The following KIAA0825 variants were observed in gnomAD, a reference collection of about 807,000 sequenced individuals.
The protein encoded by KIAA0825 is uncharacterized protein KIAA0825.
KIAA0825 carries 119 observed loss-of-function variants against 147.6 expected under a neutral mutation model. The observed-to-expected ratio is 0.81, with a 90% CI of 0.69 to 0.94. The LOEUF is 0.94. Among genes scored for constraint, KIAA0825 ranks in the 40% least tolerant of loss-of-function variants. The pLI, the probability that KIAA0825 is intolerant of heterozygous loss-of-function variation, is 0.00. For missense variants in KIAA0825, 1,381 were observed against 1,472.7 expected (o/e 0.94, Z 1.02); for synonymous variants, 470 against 518.1 (o/e 0.91, Z 1.26).
At chr5:94,471,262 A>T (rs62364614) in intron 9 of KIAA0825, among the ~76,000 whole-genome samples, 73,967 of 151,434 alleles carry the variant, frequency 0.49, 18,377 homozygotes, top group South Asian at 0.6. Context: ...AGATAGTACT[A>T]TCTTACTATC....
chr5:94,381,000 G>T (rs1444902943), intron 20 of KIAA0825, among the ~76,000 whole-genome samples: 2 of 152,204 alleles, frequency 1.3e-5, no homozygotes, highest in African/African-American at 4.8e-5. Flanking sequence ...TCTTTCATGT[G>T]TCTGAGCGGT....
chr5:94,369,264 C>CG (rs1231813822), intron 20 of KIAA0825, among the ~76,000 whole-genome samples: 2 of 152,076 alleles, frequency 1.3e-5, no homozygotes, highest in Non-Finnish European at 2.9e-5. Context: ...ATTCAAGACT[C>CG]GGGGGCACAG....
At chr5:94,525,888 T>C (rs1256554798) in intron 3 of KIAA0825, among the ~76,000 whole-genome samples, 1 of 152,020 alleles carries the variant, frequency 6.6e-6, no homozygotes. Context: ...ACAAAGGGAT[T>C]GAGTGGTTGC....
At chr5:94,181,973 G>A (rs1307589058) in intron 20 of KIAA0825, among the ~76,000 whole-genome samples, 1 of 152,120 alleles carries the variant, frequency 6.6e-6, no homozygotes, top group Non-Finnish European at 1.5e-5. Flanking sequence ...AACCCTGGTT[G>A]GATCTCTTTA....
Position 94,151,423 on chromosome 5 carries a change from CAAAAAAAAAAAA to C in KIAA0825, c.*2572_*2583del, listed in dbSNP as rs11363132. On this transcript the variant is annotated 3_prime_UTR_variant, in exon 21 of 21. Coordinates refer to ENST00000682413, the MANE Select transcript of KIAA0825 (RefSeq NM_001145678.3). The stretch of plus-strand genomic sequence containing the variant: ...TGGGCGACAGAGCGAGACTCCGTCT[CAAAAAAAAAAAA>C]AAAAAAAAAAAAAAAACATATTGAG... Among the ~76,000 whole-genome samples, 11 of 21,548 alleles carry C rather than the reference CAAAAAAAAAAAA, an allele frequency of 5.1e-4. 1 individual carries two copies. In the East Asian group the frequency reaches 5.5e-3, roughly 11 times the overall value. 14.1% of individuals were successfully genotyped at this position (21,548 alleles called of 152,430 possible). A position where few individuals can be genotyped will look rare whatever the true frequency, so the allele number is the denominator to read the frequency against.
chr5:94,510,153 T>C (rs113698612), intron 5 of KIAA0825, among the ~76,000 whole-genome samples: 3 of 152,304 alleles, frequency 2.0e-5, no homozygotes, highest in African/African-American at 7.2e-5. Flanking sequence ...CCAGTGAAAA[T>C]GCTAACACTA....
At chr5:94,291,497 G>A (rs1041777968) in intron 20 of KIAA0825, among the ~76,000 whole-genome samples, 3 of 152,142 alleles carry the variant, frequency 2.0e-5, no homozygotes, top group Admixed American at 6.5e-5. Context: ...CCAGTAGCAT[G>A]GTGGTTTGGT....
At chr5:94,592,796 C>A in intron 1 of KIAA0825, 1 of 426,564 alleles carries the variant, frequency 2.3e-6, no homozygotes, top group South Asian at 2.6e-5. Flanking sequence ...TGCCTAGACT[C>A]ATTGGTTACA....
chr5:94,357,280 A>G (rs1307051342), intron 20 of KIAA0825, among the ~76,000 whole-genome samples: 1 of 152,206 alleles, frequency 6.6e-6, no homozygotes, highest in African/African-American at 2.4e-5. Context: ...TAAAACTTTG[A>G]CAGAGGTAAA....
chr5:94,342,779 T>C (rs1417870688), intron 20 of KIAA0825, among the ~76,000 whole-genome samples: 3 of 151,912 alleles, frequency 2.0e-5, no homozygotes, highest in Non-Finnish European at 4.4e-5. Flanking sequence ...ACCAAGGCAA[T>C]AAAGTAAGAA....
At chr5:94,374,178 T>A (rs1747176877) in intron 20 of KIAA0825, among the ~76,000 whole-genome samples, 1 of 152,216 alleles carries the variant, frequency 6.6e-6, no homozygotes, top group Non-Finnish European at 1.5e-5. Flanking sequence ...GAATGCATAA[T>A]TAGGTAGAAG....
At chr5:94,198,599 G>C (rs1453524546) in intron 20 of KIAA0825, among the ~76,000 whole-genome samples, 1 of 152,020 alleles carries the variant, frequency 6.6e-6, no homozygotes. Context: ...GGCCTGTCAG[G>C]GGGTGGGAGG....
intron 20 of KIAA0825, among the ~76,000 whole-genome samples, chr5:94,264,236 G>A (rs1284123509): frequency 6.6e-6 from 1 of 152,148 alleles, no homozygotes; most frequent in Non-Finnish European, 1.5e-5. Context: ...ATACAATAAT[G>A]TGTTCTGATC....
intron 5 of KIAA0825, among the ~76,000 whole-genome samples, chr5:94,499,597 G>A (rs901595146): frequency 7.2e-6 from 1 of 139,860 alleles, no homozygotes; most frequent in Admixed American, 7.2e-5. Flanking sequence ...GGGGGGGGGG[G>A]GGACCAAGGG....
intron 20 of KIAA0825, among the ~76,000 whole-genome samples, chr5:94,322,505 A>T (rs1562377750): frequency 2.0e-5 from 3 of 151,906 alleles, no homozygotes; most frequent in African/African-American, 7.2e-5. Flanking sequence ...TAGATTGTTC[A>T]ACACTCTGCA....
chr5:94,461,272 T>C (rs1039219657), intron 12 of KIAA0825, among the ~76,000 whole-genome samples: 3 of 151,936 alleles, frequency 2.0e-5, no homozygotes, highest in Admixed American at 1.3e-4. Flanking sequence ...GACCAATCCA[T>C]GAAATTTGTC....
At chr5:94,262,408 AAT>A (rs1190058174) in intron 20 of KIAA0825, among the ~76,000 whole-genome samples, 2 of 152,160 alleles carry the variant, frequency 1.3e-5, no homozygotes, top group Non-Finnish European at 2.9e-5. Flanking sequence ...AAATTTAAAT[AAT>A]AGTTATGTTT....
At chr5:94,214,715 C>T (rs1773049325) in intron 20 of KIAA0825, among the ~76,000 whole-genome samples, 1 of 152,166 alleles carries the variant, frequency 6.6e-6, no homozygotes, top group Non-Finnish European at 1.5e-5. Flanking sequence ...GTTAAAATGC[C>T]TCAATTCAAT....
intron 3 of KIAA0825, among the ~76,000 whole-genome samples, chr5:94,534,165 C>T (rs927491141): frequency 6.6e-6 from 1 of 152,114 alleles, no homozygotes; most frequent in South Asian, 2.1e-4. Context: ...ATGTACACTA[C>T]TGGGAGATAA....
Sources: allele counts gnomAD v4.1 joint callset (sites outside exome capture counted in the v4.1 genomes callset), GRCh38; gene constraint gnomAD v4.1.1; transcripts MANE v1.5; gene names NCBI Gene and HGNC (gene_info 2026-07-23, HGNC 2026-07-21).